Variants in DHX36 observed in about 807,000 individuals in gnomAD.
DHX36 encodes the protein DEAH-box helicase 36.
In DHX36, 50 loss-of-function variants were observed where a neutral mutation model predicts 139.0. The ratio of observed to expected loss-of-function variants is 0.36; its 90% CI spans 0.29 to 0.46. The LOEUF is 0.46. DHX36 is among the 20% of genes least tolerant of loss of function. The probability of loss-of-function intolerance (pLI) is 1.00; values close to 1 mark genes in which losing one functional copy is unlikely to be tolerated. For missense variants in DHX36, 1,024 were observed against 1,211.3 expected, an observed-to-expected ratio of 0.85 and a Z score of 2.29; for synonymous variants, 425 against 401.9, an observed-to-expected ratio of 1.06 and a Z score of -0.69.
In DHX36 at chr3:154,272,779, A is replaced by T. The variant is rs911053521; in HGVS notation, c.*3392T>A. ...ACATGATCACAATGACTTATAAATA[A>T]ATACAAACTCAGAGCTAAGAACAGA... On this transcript the variant is annotated 3_prime_UTR_variant, in exon 25 of 25. Coordinates refer to ENST00000496811, the MANE Select transcript of DHX36 (RefSeq NM_020865.3). 6.6e-5 allele frequency: 10 copies of T among 152,082 alleles called. No homozygotes were observed. The highest frequency in any genetic ancestry group is 1.3e-4 in the Non-Finnish European group (9 of 68,020). 9.4% of individuals were successfully genotyped at this position (152,082 alleles called of 1,614,324 possible).
chr3:154,297,036 C>G (rs1712072096), intron 12 of DHX36, among the ~76,000 whole-genome samples: 1 of 152,146 alleles, frequency 6.6e-6, no homozygotes. Flanking sequence ...CATAAAGAGT[C>G]ACACAAATTC....
intron 24 of DHX36, 152 bp from the exon 25 acceptor site, chr3:154,276,508 T>A: frequency 1.2e-6 from 1 of 823,488 alleles, no homozygotes; most frequent in Non-Finnish European, 1.9e-6. Context: ...AGTGTGGTTA[T>A]GAGTGAATAA....
chr3:154,280,790 T>G lies in DHX36; in HGVS notation c.2449A>C (p.Lys817Gln). 6.2e-7 allele frequency: 1 copy of G among 1,613,654 alleles called. No homozygotes were observed. Among genetic ancestry groups the G allele is most frequent in the Non-Finnish European group, 8.5e-7 (1 of 1,179,776 alleles). The change falls in exon 21 of 25, where the codon AAA becomes CAA. Residue 817 changes from lysine (K) to glutamine (Q), a missense_variant. Transcript: ENST00000496811. ...GAGFVSSRNP[K>Q]DPESNINSDN... ...GAATTTATATTAGATTCTGGATCTT[T>G]AGGATTTCTACTGCTTACAAATCCA...
intron 12 of DHX36, chr3:154,299,601 T>C: frequency 4.5e-6 from 2 of 449,392 alleles, no homozygotes; most frequent in Non-Finnish European, 8.1e-6. Context: ...GATTTCTTTT[T>C]TGCAGCAGTA....
chr3:154,294,235 C>A (rs891117042), intron 13 of DHX36, among the ~76,000 whole-genome samples: 8 of 152,004 alleles, frequency 5.3e-5, no homozygotes, highest in Non-Finnish European at 7.4e-5. Context: ...AACTGTGCAG[C>A]TGTACCAACC....
Position 154,300,604 on chromosome 3 carries a change from A to G in DHX36, c.1451T>C (p.Leu484Ser). ...LIVALIRYIVLEEEDGAILVF... is the reference protein window; with the variant it reads ...LIVALIRYIVSEEEDGAILVF... ...AAAAATAAAACTAACCTCTTCTTCC[A>G]AAACAATGTATCGGATGAGGGCAAC... The change falls in exon 11 of 25, where the codon TTG (leucine) becomes TCG (serine). Residue 484 changes from leucine (L) to serine (S), a missense_variant. Leu to Ser is a moderately radical substitution (Grantham distance 145). Around this residue, in one of 4 missense-constraint regions of DHX36, gnomAD observed 115 missense variants for 105.6 expected, o/e 1.09. Transcript: ENST00000496811. The G allele has an allele frequency of 6.2e-7, 1 of 1,611,702 alleles. No individual in the cohort carries two copies.
intron 12 of DHX36, 31 bp from the exon 13 acceptor site, chr3:154,295,370 TAAAG>T: frequency 1.6e-6 from 2 of 1,254,496 alleles, no homozygotes; most frequent in Non-Finnish European, 2.2e-6. Context: ...AATTTTAAGA[TAAAG>T]AGTTGCAGAA....
intron 3 of DHX36, among the ~76,000 whole-genome samples, chr3:154,313,270 C>G (rs574534587): frequency 1.3e-5 from 2 of 152,066 alleles, no homozygotes; most frequent in Non-Finnish European, 2.9e-5. Context: ...GTCCAATATT[C>G]TTTCCCAAGG....
chr3:154,286,562 AT>A (rs1269416563), intron 17 of DHX36, among the ~76,000 whole-genome samples: 2 of 151,526 alleles, frequency 1.3e-5, no homozygotes, highest in African/African-American at 4.8e-5. Flanking sequence ...TGAAATCTAA[AT>A]TTTAAAAAAT....
chr3:154,310,829 A>G lies in DHX36; in HGVS notation c.642+807T>C, dbSNP rs1431371147. On this transcript the variant is annotated intron_variant, in intron 4 of 24. Transcript: ENST00000496811. The stretch of plus-strand genomic sequence containing the variant: ...AAAATATATATATATATATATATAT[A>G]TATATATATATATATATATATATGT... 1.2e-3 allele frequency among the ~76,000 whole-genome samples: 48 copies of G among 41,086 alleles called. 1 individual carries two copies. Among genetic ancestry groups the G allele is most frequent in the African/African-American group, 6.3e-3 (45 of 7,170 alleles). 27.0% of individuals were successfully genotyped at this position (41,086 alleles called of 152,430 possible).
chr3:154,277,791 A>G (rs1719197834), intron 22 of DHX36, 73 bp from the exon 23 acceptor site: 1 of 1,349,508 alleles, frequency 7.4e-7, no homozygotes, highest in Non-Finnish European at 9.9e-7. Context: ...ACACTACTTG[A>G]AAAACTGATA....
At chr3:154,316,780 G>A (rs534888301) in intron 1 of DHX36, among the ~76,000 whole-genome samples, 1 of 150,198 alleles carries the variant, frequency 6.7e-6, no homozygotes, top group South Asian at 2.1e-4. Context: ...GAAACTTTAC[G>A]CATCTAAGAA....
intron 4 of DHX36, among the ~76,000 whole-genome samples, chr3:154,310,830 T>A (rs869154790): frequency 0.075 from 2,571 of 34,152 alleles, 190 homozygotes; most frequent in East Asian, 0.14. Flanking sequence ...TATATATATA[T>A]ATATATATAT....
intron 11 of DHX36, 130 bp downstream of exon 11, chr3:154,300,464 G>T: frequency 2.8e-6 from 2 of 708,390 alleles, no homozygotes; most frequent in Non-Finnish European, 4.7e-6. Flanking sequence ...ACTATGAGAT[G>T]ATTTCTAGTA....
chr3:154,305,051 T>G, intron 7 of DHX36, 43 bp downstream of exon 7: 1 of 1,591,910 alleles, frequency 6.3e-7, no homozygotes, highest in Non-Finnish European at 8.5e-7. Flanking sequence ...AATAATTACA[T>G]CTTTTGATAA....
chr3:154,284,928 G>A lies in DHX36; in HGVS notation c.2091C>T (p.Pro697=), dbSNP rs750198943. 1.3e-5 allele frequency: 21 copies of A among 1,614,088 alleles called. No homozygotes were observed. In the East Asian group the frequency reaches 1.3e-4, roughly 10 times the overall value. The part of the protein sequence containing the change: ...TPLGVHLARL[P]VEPHIGKMIL... ...TCATTTTTCCAATATGTGGCTCAAC[G>A]GGTAATCGTGCCAAGTGGACTCCAA... The change falls in exon 18 of 25, where the codon CCC becomes CCT. Residue 697 remains proline (P), a synonymous_variant. Coordinates refer to ENST00000496811, the MANE Select transcript of DHX36 (RefSeq NM_020865.3).
At chr3:154,301,887 C>A (rs1712308851) in intron 9 of DHX36, among the ~76,000 whole-genome samples, 1 of 151,952 alleles carries the variant, frequency 6.6e-6, no homozygotes, top group South Asian at 2.1e-4. Context: ...AACTAGAGGA[C>A]AGCATCTAGA....
chr3:154,283,247 C>T lies in DHX36; in HGVS notation c.2317G>A (p.Gly773Ser). The change falls in exon 20 of 25, where the codon GGT (glycine) becomes AGT (serine). Residue 773 changes from glycine to serine, a missense_variant. Coordinates refer to ENST00000496811, the MANE Select transcript of DHX36 (RefSeq NM_020865.3). ...FEGWEEARRR[G>S]FRYEKDYCWE... ...CAATAGTCCTTTTCGTATCTGAAAC[C>T]ACGTCGCCTAGCCTCTTCCCAGCCC... 1.9e-6 allele frequency: 3 copies of T among 1,613,516 alleles called. No homozygotes were observed. The highest frequency in any genetic ancestry group is 2.5e-6 in the Non-Finnish European group (3 of 1,179,648).
At chr3:154,314,801 C>G (rs116320067) in intron 3 of DHX36, 2 of 338,554 alleles carry the variant, frequency 5.9e-6, no homozygotes, top group East Asian at 5.1e-5. Context: ...TTCATTGGCA[C>G]TAGCATTTCT....
Sources: allele counts gnomAD v4.1 joint callset (sites outside exome capture counted in the v4.1 genomes callset), GRCh38; gene constraint gnomAD v4.1.1; regional missense constraint gnomAD v4.1.1; transcripts MANE v1.5; gene names NCBI Gene and HGNC (gene_info 2026-07-23, HGNC 2026-07-21).